The following APLF variants were observed in gnomAD, a reference collection of about 807,000 sequenced individuals.
APLF encodes aprataxin and PNKP like factor.
Under a neutral mutation model 55.6 loss-of-function variants are expected in APLF, and 61 were observed. That is an observed-to-expected ratio of 1.10 (90% confidence interval 0.89 to 1.36). The LOEUF (loss-of-function observed/expected upper bound fraction) is 1.36. Among genes scored for constraint, APLF ranks in the 40% most tolerant of loss-of-function variants. The pLI is 0.00. For missense variants in APLF, 611 were observed against 602.5 expected (o/e 1.01, Z -0.15); for synonymous variants, 207 against 214.8 (o/e 0.96, Z 0.32).
intron 7 of APLF, among the ~76,000 whole-genome samples, chr2:68,541,065 T>C (rs917232857): frequency 4.6e-5 from 7 of 152,306 alleles, no homozygotes; most frequent in South Asian, 4.1e-4. Flanking sequence ...GCATGAACTT[T>C]CAATGAGTGG....
chr2:68,567,226 G>A (rs1671333172), intron 8 of APLF, 115 bp from the exon 9 acceptor site: 2 of 779,730 alleles, frequency 2.6e-6, no homozygotes, highest in Non-Finnish European at 4.2e-6. Flanking sequence ...TTTCATAAGA[G>A]GCCTATTGGG....
chr2:68,496,607 G>A (rs78377939), intron 2 of APLF, among the ~76,000 whole-genome samples: 3,912 of 152,302 alleles, frequency 0.026, 67 homozygotes, highest in South Asian at 0.043. Flanking sequence ...AGTGCAGGTT[G>A]TTAGAAGCAG....
intron 8 of APLF, chr2:68,563,299 T>G (rs1246687073): frequency 4.1e-6 from 4 of 984,218 alleles, no homozygotes; most frequent in Non-Finnish European, 1.2e-6. Context: ...AATATAAAAT[T>G]TCACATTACA....
chr2:68,501,180 G>T (rs568320869), intron 2 of APLF, among the ~76,000 whole-genome samples: 8 of 152,120 alleles, frequency 5.3e-5, no homozygotes, highest in Admixed American at 5.2e-4. Context: ...TCTTGTAACA[G>T]ATTTAAAGGA....
At chr2:68,575,340 G>A (rs13412366) in intron 9 of APLF, among the ~76,000 whole-genome samples, 12,668 of 152,224 alleles carry the variant, frequency 0.083, 587 homozygotes, top group Middle Eastern at 0.12. Context: ...TTGGAACAGT[G>A]TGAGTAAACA....
Position 68,511,840 on chromosome 2 carries a change from A to G in APLF, c.342-1240A>G, listed in dbSNP as rs78577195. ...TTTAAAAATATTGATTGAATGAACAAAAAATGTGATGCTGCATAGTAATTT... is the reference window on the plus strand; with the variant it reads ...TTTAAAAATATTGATTGAATGAACAGAAAATGTGATGCTGCATAGTAATTT... On this transcript the variant is annotated intron_variant, in intron 3 of 9. Transcript: ENST00000303795. 2.3e-3 allele frequency among the ~76,000 whole-genome samples: 345 copies of G among 151,748 alleles called. 1 individual carries two copies. The highest frequency in any genetic ancestry group is 7.8e-3 in the African/African-American group (324 of 41,500).
At chr2:68,531,440 G>A (rs1413817806) in intron 6 of APLF, 1 of 152,116 alleles carries the variant, frequency 6.6e-6, no homozygotes, top group Non-Finnish European at 1.5e-5. Flanking sequence ...GTTAGTCTTC[G>A]AATATATTCT....
rs200093663 is a variant in APLF at position 68,513,573 on chromosome 2, G to C, written c.515G>C (p.Cys172Ser). 6.2e-7 allele frequency: 1 copy of C among 1,611,342 alleles called. No homozygotes were observed. The highest frequency in any genetic ancestry group is 2.2e-5 in the East Asian group (1 of 44,778). ...TCTTTCCTAGGTGAAAATAGAGACT[G>C]CAATAAGCAGCAGCCAATCCTTGCC... ...SVSFLGENRDCNKQQPILAER... is the reference protein window; with the variant it reads ...SVSFLGENRDSNKQQPILAER... Residue 172 changes from cysteine to serine, a missense_variant, in exon 5 of 10, where the codon TGC (cysteine) becomes TCC (serine). Physicochemically the swap from Cys to Ser is moderately radical, Grantham distance 112. Coordinates refer to ENST00000303795, the MANE Select transcript of APLF (RefSeq NM_173545.3).
intron 7 of APLF, among the ~76,000 whole-genome samples, chr2:68,540,948 G>A (rs542680493): frequency 8.5e-4 from 129 of 152,262 alleles, no homozygotes; most frequent in African/African-American, 2.7e-3. Flanking sequence ...TTTAATATTG[G>A]TGCAAGGATA....
intron 3 of APLF, among the ~76,000 whole-genome samples, chr2:68,508,066 T>A (rs1365587245): frequency 6.6e-6 from 1 of 151,884 alleles, no homozygotes; most frequent in Non-Finnish European, 1.5e-5. Flanking sequence ...TCATTCATAA[T>A]AGTAGCATAT....
chr2:68,528,131 C>T (rs1670133668), intron 6 of APLF: 1 of 589,342 alleles, frequency 1.7e-6, no homozygotes. Flanking sequence ...CCTCACTTCC[C>T]AGATGGTGCA....
At chr2:68,501,199 T>G (rs1676709572) in intron 2 of APLF, among the ~76,000 whole-genome samples, 1 of 152,168 alleles carries the variant, frequency 6.6e-6, no homozygotes, top group Non-Finnish European at 1.5e-5. Context: ...GATAGAAATA[T>G]GATGTATGGC....
chr2:68,485,015 G>T (rs1676084928), intron 1 of APLF, among the ~76,000 whole-genome samples: 1 of 151,830 alleles, frequency 6.6e-6, no homozygotes, highest in African/African-American at 2.4e-5. Flanking sequence ...GAACACAGTT[G>T]AAAGTACATA....
At chr2:68,496,891 C>G (rs926440736) in intron 2 of APLF, among the ~76,000 whole-genome samples, 2 of 152,234 alleles carry the variant, frequency 1.3e-5, no homozygotes, top group African/African-American at 4.8e-5. Flanking sequence ...TAACCAATCT[C>G]TAAGAAATTC....
At chr2:68,482,697 A>G (rs192027476) in intron 1 of APLF, among the ~76,000 whole-genome samples, 93 of 152,268 alleles carry the variant, frequency 6.1e-4, no homozygotes, top group Admixed American at 6.0e-3. Context: ...CTAGGAGTGC[A>G]GGTGTGGGAC....
chr2:68,570,249 C>G (rs1304691775), intron 9 of APLF, among the ~76,000 whole-genome samples: 1 of 150,572 alleles, frequency 6.6e-6, no homozygotes, highest in African/African-American at 2.4e-5. Flanking sequence ...GCAAAAGTAA[C>G]CAGTACCAGG....
intron 8 of APLF, among the ~76,000 whole-genome samples, chr2:68,559,464 T>G (rs1311169463): frequency 6.6e-6 from 1 of 152,148 alleles, no homozygotes; most frequent in East Asian, 1.9e-4. Context: ...TAGATCAAAT[T>G]TACCACCTCT....
intron 7 of APLF, among the ~76,000 whole-genome samples, chr2:68,542,507 C>G (rs1178792671): frequency 6.6e-6 from 1 of 150,434 alleles, no homozygotes; most frequent in Non-Finnish European, 1.5e-5. Flanking sequence ...ATAGATATTT[C>G]TCTAAAGATA....
At chr2:68,508,165 C>T (rs1676931416) in intron 3 of APLF, among the ~76,000 whole-genome samples, 1 of 151,672 alleles carries the variant, frequency 6.6e-6, no homozygotes, top group Non-Finnish European at 1.5e-5. Flanking sequence ...CCAAAACAAT[C>T]TTAGAAAAAA....
Sources: gnomAD v4.1 joint callset for allele counts (sites outside exome capture counted in the v4.1 genomes callset) on GRCh38, gnomAD v4.1.1 for gene constraint, MANE v1.5 for transcripts, NCBI Gene and HGNC (gene_info 2026-07-23, HGNC 2026-07-21) for gene names.